The following NPM2 variants were observed in gnomAD, a reference collection of about 807,000 sequenced individuals.
The protein encoded by NPM2 is nucleophosmin/nucleoplasmin 2.
NPM2 carries 25 observed loss-of-function variants against 32.0 expected under a neutral mutation model. The observed-to-expected ratio is 0.78, with a 90% confidence interval of 0.57 to 1.09. NPM2 has a LOEUF of 1.09. NPM2 is among the 50% of genes least tolerant of loss of function. The pLI, the probability that NPM2 is intolerant of heterozygous loss-of-function variation, is 0.00. For synonymous variants in NPM2, 111 were observed against 94.2 expected (o/e 1.18, Z -1.04); for missense variants, 282 against 259.9 (o/e 1.08, Z -0.58).
At chr8:22,030,782 C>T (rs1028223977) in intron 5 of NPM2, among the ~76,000 whole-genome samples, 34 of 152,156 alleles carry the variant, frequency 2.2e-4, no homozygotes, top group African/African-American at 7.5e-4. Flanking sequence ...TGAGTTCAAG[C>T]GATCTTCCGG....
At chr8:22,029,054 T>A (rs992709779) in intron 5 of NPM2, among the ~76,000 whole-genome samples, 1 of 152,254 alleles carries the variant, frequency 6.6e-6, no homozygotes, top group Non-Finnish European at 1.5e-5. Context: ...ATCTTTAATT[T>A]TTTTAACAAT....
chr8:22,036,607 G>A lies in NPM2; in HGVS notation c.601-31G>A, dbSNP rs372744457. On this transcript the variant is annotated intron_variant, in intron 9 of 9. Coordinates refer to ENST00000518119, the MANE Select transcript of NPM2 (RefSeq NM_001286680.2). ...GGCTGCCTGGTATGGAGAAGGGAAC[G>A]GGACCCTGGAGCCCTGCCTTCCCTC... 1.6e-4 allele frequency: 251 copies of A among 1,553,818 alleles called. 1 individual carries two copies. In the East Asian group the frequency reaches 2.2e-3, roughly 14 times the overall value.
intron 2 of NPM2, 65 bp from the exon 3 acceptor site, chr8:22,025,151 C>T (rs976361577): frequency 7.2e-5 from 100 of 1,389,442 alleles, no homozygotes; most frequent in Non-Finnish European, 8.9e-5. Context: ...CTGCTGGTCT[C>T]TGGCATCCTC....
chr8:22,034,152 G>GGAGGAGGAGGAA lies in NPM2; in HGVS notation c.414_425dup (p.Glu141_Glu144dup). 1.2e-6 allele frequency: 2 copies of GGAGGAGGAGGAA among 1,610,734 alleles called. No individual in the cohort carries two copies. Among genetic ancestry groups the GGAGGAGGAGGAA allele is most frequent in the Non-Finnish European group, 1.7e-6 (2 of 1,178,472 alleles). ...GGGAGGAGGAGGAGGAAGAAGAAGG[G>GGAGGAGGAGGAA]GAGGAGGAGGAAGAGGAAGAGGAAG... is the stretch of plus-strand genomic sequence containing the variant. On this transcript the variant is annotated inframe_insertion, in exon 7 of 10. Transcript: ENST00000518119.
chr8:22,036,428 TG>T, intron 8 of NPM2, 64 bp from the exon 9 acceptor site: 1 of 1,531,780 alleles, frequency 6.5e-7, no homozygotes. Context: ...GCCACGCCGC[TG>T]GTCTGGAGCT....
chr8:22,034,804 C>T (rs1464920306), intron 8 of NPM2, among the ~76,000 whole-genome samples: 5 of 152,180 alleles, frequency 3.3e-5, no homozygotes, highest in South Asian at 2.1e-4. Flanking sequence ...GGGGAAATTA[C>T]CTGCACTAAG....
rs746052782 is a variant in NPM2, at chr8:22,034,255, A to C, written c.511A>C (p.Lys171Gln). The change falls in exon 7 of 10, where the codon AAG becomes CAG. Residue 171 changes from lysine (K) to glutamine (Q), a missense_variant. Physicochemically the swap from Lys to Gln is moderately conservative, Grantham distance 53. Coordinates refer to ENST00000518119, the MANE Select transcript of NPM2 (RefSeq NM_001286680.2). ...VKQVKRLVPQ[K>Q]QASVAKKKKL... Reference sequence around the variant, plus strand: ...ACAAGTCAAAAGGCTGGTGCCCCAGAAGCAGGCGAGCGTGGCTAAGGTGGG... The same window carrying C: ...ACAAGTCAAAAGGCTGGTGCCCCAGCAGCAGGCGAGCGTGGCTAAGGTGGG... 1.3e-6 allele frequency: 2 copies of C among 1,599,304 alleles called. No homozygotes were observed. Among genetic ancestry groups the C allele is most frequent in the South Asian group, 1.1e-5 (1 of 87,960 alleles).
At chr8:22,026,216 G>A (rs1177641120) in intron 5 of NPM2, among the ~76,000 whole-genome samples, 1 of 151,992 alleles carries the variant, frequency 6.6e-6, no homozygotes, top group Non-Finnish European at 1.5e-5. Flanking sequence ...CCTGATCTGA[G>A]GTGGAGCAGT....
intron 8 of NPM2, among the ~76,000 whole-genome samples, chr8:22,034,809 A>G (rs537922017): frequency 6.6e-6 from 1 of 152,338 alleles, no homozygotes; most frequent in African/African-American, 2.4e-5. Context: ...AATTACCTGC[A>G]CTAAGATGCT....
intron 5 of NPM2, among the ~76,000 whole-genome samples, chr8:22,027,042 T>A (rs10099254): frequency 3.3e-5 from 5 of 152,210 alleles, no homozygotes; most frequent in African/African-American, 1.2e-4. Context: ...TATATGAAGA[T>A]AATAATATCT....
chr8:22,033,728 A>G (rs1705771479), intron 6 of NPM2, among the ~76,000 whole-genome samples: 1 of 152,018 alleles, frequency 6.6e-6, no homozygotes, highest in Admixed American at 6.6e-5. Context: ...TAAGGTTTCA[A>G]TTCTTTAGCT....
chr8:22,029,350 G>T (rs955803740), intron 5 of NPM2, among the ~76,000 whole-genome samples: 1 of 152,078 alleles, frequency 6.6e-6, no homozygotes, highest in Non-Finnish European at 1.5e-5. Context: ...CACCACGTTG[G>T]CCAGGCTGGT....
chr8:22,032,228 A>AC (rs1800465186), intron 5 of NPM2, among the ~76,000 whole-genome samples: 1 of 152,260 alleles, frequency 6.6e-6, no homozygotes, highest in African/African-American at 2.4e-5. Context: ...AGTTTGGAAA[A>AC]GTATAAATAC....
At chr8:22,036,066 A>C (rs1477462828) in intron 8 of NPM2, among the ~76,000 whole-genome samples, 1 of 152,078 alleles carries the variant, frequency 6.6e-6, no homozygotes, top group African/African-American at 2.4e-5. Flanking sequence ...TTTTGTACAA[A>C]ATGGTTAATA....
Position 22,025,436 on chromosome 8 carries a change from G to C in NPM2, c.59G>C (p.Gly20Ala), listed in dbSNP as rs753816878. The change falls in exon 4 of 10, where the codon GGC becomes GCC. Residue 20 changes from glycine to alanine, a missense_variant and splice_region_variant. Gly to Ala is a moderately conservative substitution (Grantham distance 60). Transcript: ENST00000518119. ...ACTTCCCTCCCTTTCTCCTCCGCAGGCTGCGAGCTCAGTCAGGAGAGGCGG... is the reference window on the plus strand; with the variant it reads ...ACTTCCCTCCCTTTCTCCTCCGCAGCCTGCGAGCTCAGTCAGGAGAGGCGG... The part of the protein sequence containing the change: ...EEKAVTTVLW[G>A]CELSQERRTW... The C allele has an allele frequency of 2.5e-6, 4 of 1,613,924 alleles. No homozygotes were observed. Among genetic ancestry groups the C allele is most frequent in the Non-Finnish European group, 2.5e-6 (3 of 1,179,946 alleles).
At chr8:22,027,118 CAT>C (rs1800281650) in intron 5 of NPM2, among the ~76,000 whole-genome samples, 1 of 152,138 alleles carries the variant, frequency 6.6e-6, no homozygotes. Flanking sequence ...TTGTTTTACT[CAT>C]ATATTGAGCC....
In NPM2 at chr8:22,025,230, CG is replaced by C; in HGVS notation, c.-18del. ...CCTCCTTGCAGCTGCCCGGCCAGCC[CG>C]CTTCTCTGCCCGGAGCCATGAATCT... is the stretch of plus-strand genomic sequence containing the variant. On this transcript the variant is annotated 5_prime_UTR_variant, in exon 3 of 10. Transcript: ENST00000518119. 1.9e-6 allele frequency: 3 copies of C among 1,608,484 alleles called. No homozygotes were observed. The highest frequency in any genetic ancestry group is 2.5e-6 in the Non-Finnish European group (3 of 1,178,516).
chr8:22,030,252 T>C (rs1800393847), intron 5 of NPM2, among the ~76,000 whole-genome samples: 1 of 152,234 alleles, frequency 6.6e-6, no homozygotes, highest in Non-Finnish European at 1.5e-5. Context: ...TTTATTTTTG[T>C]TTTAAAGACA....
At chr8:22,029,557 G>A (rs1800366961) in intron 5 of NPM2, among the ~76,000 whole-genome samples, 1 of 152,192 alleles carries the variant, frequency 6.6e-6, no homozygotes, top group Admixed American at 6.5e-5. Context: ...TAATTCTTAT[G>A]TAGGTTTACT....
Sources: gnomAD v4.1 joint callset for allele counts (sites outside exome capture counted in the v4.1 genomes callset) on GRCh38, gnomAD v4.1.1 for gene constraint, MANE v1.5 for transcripts, NCBI Gene and HGNC (gene_info 2026-07-23, HGNC 2026-07-21) for gene names.